Variants in CTCFL observed in about 807,000 individuals in gnomAD.
CTCFL encodes the protein CCCTC-binding factor like.
A neutral mutation model predicts 67.4 loss-of-function variants in CTCFL; 36 were observed. That is an observed-to-expected ratio of 0.53 (90% CI 0.41 to 0.71). The LOEUF (loss-of-function observed/expected upper bound fraction) is 0.71. Ranked by LOEUF, CTCFL falls within the 30% of genes least tolerant of loss-of-function variation. The pLI is 0.00. For synonymous variants in CTCFL, 324 were observed against 302.3 expected (o/e 1.07, Z -0.75); for missense variants, 786 against 835.2 (o/e 0.94, Z 0.73).
intron 3 of CTCFL, among the ~76,000 whole-genome samples, chr20:57,520,997 G>A (rs1207892898): frequency 6.6e-6 from 1 of 152,252 alleles, no homozygotes; most frequent in African/African-American, 2.4e-5. Context: ...GGCAGAGATT[G>A]GAGGAGTAAT....
chr20:57,509,632 A>T (rs1443902693), intron 8 of CTCFL, among the ~76,000 whole-genome samples: 2 of 152,226 alleles, frequency 1.3e-5, no homozygotes, highest in East Asian at 3.8e-4. Context: ...GTATGAAGTC[A>T]AGCAAAAGTA....
chr20:57,506,789 A>T (rs2068229181), intron 9 of CTCFL: 11 of 984,852 alleles, frequency 1.1e-5, no homozygotes, highest in Non-Finnish European at 1.1e-5. Context: ...ACCAAAGAGC[A>T]GTTTTTTTCT....
Position 57,523,274 on chromosome 20 carries a change from T to C in CTCFL, c.548A>G (p.Glu183Gly). The C allele has an allele frequency of 6.2e-7, 1 of 1,612,722 alleles. No homozygotes were observed. The change falls in exon 3 of 11, where the codon GAG (glutamate) becomes GGG (glycine). Residue 183 changes from glutamate (E) to glycine (G), a missense_variant. Coordinates refer to ENST00000243914, the MANE Select transcript of CTCFL (RefSeq NM_001386993.1). The stretch of plus-strand genomic sequence containing the variant: ...TAACTGGTTCTTCTCCTGCTCTTCC[T>C]CGAGCTAATAAACAACAAATATTCA... ...LAETTGLIKL[E>G]EEQEKNQLLA... is the part of the protein sequence containing the mutation.
At chr20:57,524,273 A>C in intron 1 of CTCFL, 57 bp from the exon 2 acceptor site, 2 of 1,516,230 alleles carry the variant, frequency 1.3e-6, no homozygotes, top group South Asian at 1.3e-5. Context: ...TGGTATGAGG[A>C]GGGATGCGGG....
chr20:57,508,717 T>C lies in CTCFL; in HGVS notation c.1563A>G (p.Lys521=), dbSNP rs73625093. 1.8e-3 allele frequency: 2,867 copies of C among 1,614,176 alleles called. 8 individuals carry two copies. The highest frequency in any genetic ancestry group is 6.9e-3 in the Middle Eastern group (42 of 6,062). Residue 521 remains lysine (K), a synonymous_variant, in exon 9 of 11, where the codon AAA becomes AAG. Transcript: ENST00000243914. ...EKPFTCLSCN[K]CFRQKQLLNA... ...TTAGAAGTTGCTTCTGTCGGAAACA[T>C]TTATTGCAAGAAAGGCAGGTGAATG...
chr20:57,513,910 A>G lies in CTCFL; in HGVS notation c.1330+682T>C. 2.3e-6 allele frequency: 3 copies of G among 1,288,380 alleles called. 1 individual carries two copies. The South Asian group carries it at 3.7e-5, about 16-fold the overall frequency. The allele number at this position is 1,288,380 out of a possible 1,614,324, so 79.8% of individuals were successfully genotyped here. On this transcript the variant is annotated intron_variant, in intron 7 of 10. Transcript: ENST00000243914. ...AGAGGCTCGTTCACTCACGCTTCCC[A>G]CACCCTCCCTCCCATTGCTCAACAC... is the stretch of plus-strand genomic sequence containing the variant.
At chr20:57,513,989 C>A in intron 7 of CTCFL, 1 of 904,210 alleles carries the variant, frequency 1.1e-6, no homozygotes, top group Non-Finnish European at 1.5e-6. Context: ...CCTGCTGTTC[C>A]AAGACCCTCT....
chr20:57,512,440 G>A, intron 8 of CTCFL, 152 bp downstream of exon 8: 1 of 716,422 alleles, frequency 1.4e-6, no homozygotes, highest in South Asian at 2.1e-5. Context: ...TGTTTTGAAT[G>A]ACTGGCTCAC....
chr20:57,508,083 C>T (rs1216398787), intron 9 of CTCFL, among the ~76,000 whole-genome samples: 2 of 152,074 alleles, frequency 1.3e-5, no homozygotes, highest in Non-Finnish European at 2.9e-5. Flanking sequence ...GCTAGGCCTA[C>T]AGGGGTGCAC....
intron 9 of CTCFL, chr20:57,508,006 G>A (rs1045043770): frequency 2.6e-5 from 16 of 618,344 alleles, no homozygotes; most frequent in South Asian, 1.8e-4. Context: ...GCAGTGGTGC[G>A]ATCGTGACTC....
At chr20:57,513,541 A>T (rs2146369792) in intron 7 of CTCFL, 2 of 1,079,220 alleles carry the variant, frequency 1.9e-6, no homozygotes, top group Non-Finnish European at 2.3e-6. Context: ...CTGGCATGAG[A>T]TGGATATAAA....
chr20:57,496,657 T>G (rs1203657331), downstream of CTCFL, among the ~76,000 whole-genome samples: 1 of 152,222 alleles, frequency 6.6e-6, no homozygotes, highest in Non-Finnish European at 1.5e-5. Context: ...TCTCTATGAC[T>G]CTGACTGTTC....
intron 7 of CTCFL, chr20:57,513,358 G>C (rs2068688603): frequency 1.0e-6 from 1 of 986,488 alleles, no homozygotes; most frequent in African/African-American, 1.7e-5. Context: ...TGATGGTCTT[G>C]TGATACTTGT....
In CTCFL at chr20:57,497,632, C is replaced by T; in HGVS notation, c.*918G>A. On this transcript the variant is annotated 3_prime_UTR_variant, in exon 11 of 11. Coordinates refer to ENST00000243914, the MANE Select transcript of CTCFL (RefSeq NM_001386993.1). Reference sequence around the variant, plus strand: ...TGTCAACTGGCAAAAGGGAAATACTCACTAATCACTGGGCATTATGAAAAA... The same window carrying T: ...TGTCAACTGGCAAAAGGGAAATACTTACTAATCACTGGGCATTATGAAAAA... The T allele has an allele frequency of 1.0e-6, 1 of 985,390 alleles. No homozygotes were observed. The highest frequency in any genetic ancestry group is 1.2e-6 in the Non-Finnish European group (1 of 829,900). 61.0% of individuals were successfully genotyped at this position (985,390 alleles called of 1,614,324 possible).
intron 3 of CTCFL, among the ~76,000 whole-genome samples, chr20:57,520,145 G>C (rs1174271086): frequency 6.6e-6 from 1 of 152,164 alleles, no homozygotes; most frequent in African/African-American, 2.4e-5. Flanking sequence ...GTCCTGGGTG[G>C]TTCTAACAGT....
Position 57,523,949 on chromosome 20 carries a change from T to A in CTCFL, c.257A>T (p.His86Leu). 1.2e-6 allele frequency: 2 copies of A among 1,613,108 alleles called. No homozygotes were observed. Among genetic ancestry groups the A allele is most frequent in the South Asian group, 1.1e-5 (1 of 91,076 alleles). The change falls in exon 2 of 11, where the codon CAC (histidine) becomes CTC (leucine). Residue 86 changes from histidine to leucine, a missense_variant. This residue lies in a region of CTCFL where 333 missense variants were observed against 304.6 expected (regional missense o/e 1.09). Coordinates refer to ENST00000243914, the MANE Select transcript of CTCFL (RefSeq NM_001386993.1). ...EKYILTLQTVHFTSEAVELQD... is the reference protein window; with the variant it reads ...EKYILTLQTVLFTSEAVELQD... Reference sequence around the variant, plus strand: ...CAACTCCACAGCTTCAGAAGTGAAGTGCACCGTCTGCAGGGTCAGGATGTA... The same window carrying A: ...CAACTCCACAGCTTCAGAAGTGAAGAGCACCGTCTGCAGGGTCAGGATGTA...
intron 8 of CTCFL, among the ~76,000 whole-genome samples, chr20:57,511,382 C>T (rs1051120581): frequency 7.9e-5 from 12 of 151,862 alleles, no homozygotes; most frequent in African/African-American, 2.7e-4. Flanking sequence ...AATCTGAAAC[C>T]GTGCCAAAGA....
chr20:57,507,476 G>A (rs754057700), intron 9 of CTCFL: 3 of 668,102 alleles, frequency 4.5e-6, no homozygotes, highest in Non-Finnish European at 8.2e-6. Flanking sequence ...GGGATTACAG[G>A]TGTGAGCCCC....
At chr20:57,519,847 G>A (rs2069219850) in intron 3 of CTCFL, among the ~76,000 whole-genome samples, 1 of 152,092 alleles carries the variant, frequency 6.6e-6, no homozygotes, top group African/African-American at 2.4e-5. Flanking sequence ...ATCTAGAATG[G>A]TGCCATCCAA....
Sources: gnomAD v4.1 joint callset for allele counts (sites outside exome capture counted in the v4.1 genomes callset) on GRCh38, gnomAD v4.1.1 for gene constraint, gnomAD v4.1.1 regional missense constraint, MANE v1.5 for transcripts, NCBI Gene and HGNC (gene_info 2026-07-23, HGNC 2026-07-21) for gene names.